The following PRR5L variants were observed in gnomAD, a reference collection of about 807,000 sequenced individuals.
PRR5L encodes the protein proline rich 5 like, also known as proline-rich protein 5-like.
PRR5L carries 21 observed loss-of-function variants against 36.4 expected under a neutral mutation model. That is an observed-to-expected ratio of 0.58 (90% CI 0.41 to 0.83). The LOEUF (loss-of-function observed/expected upper bound fraction) is 0.83, where lower values mean the gene tolerates loss of function less well. PRR5L is among the 40% of genes least tolerant of loss of function. The pLI is 0.00. For missense variants in PRR5L, 381 were observed against 473.3 expected (o/e 0.80, Z 1.81); for synonymous variants, 188 against 197.0 (o/e 0.95, Z 0.38).
intron 1 of PRR5L, among the ~76,000 whole-genome samples, chr11:36,390,295 A>G (rs1726078818): frequency 6.6e-6 from 1 of 152,188 alleles, no homozygotes. Flanking sequence ...GCCACAGCAC[A>G]TGGAAGGGTC....
At chr11:36,381,618 C>T (rs1039872095) in intron 1 of PRR5L, 20 of 152,216 alleles carry the variant, frequency 1.3e-4, no homozygotes, top group African/African-American at 3.9e-4. Flanking sequence ...TTCTCTGGAA[C>T]TGGCTCAATA....
In PRR5L at chr11:36,344,573, A is replaced by G. The variant is rs1384282157; in HGVS notation, c.-126+48135A>G. The stretch of plus-strand genomic sequence containing the variant: ...CCATCTCTGAAGGTGATTTTTGTTT[A>G]TATTTCTTAGTATTTTATCAGGGCA... On this transcript the variant is annotated intron_variant, in intron 1 of 8. Coordinates refer to ENST00000530639, the MANE Select transcript of PRR5L (RefSeq NM_001160167.2). This position sits in a 1 kb window ranked among gnomAD's most constrained non-coding sequence, Gnocchi z 4.1. Among the ~76,000 whole-genome samples, 2 of 152,138 alleles carry G rather than the reference A, an allele frequency of 1.3e-5. No individual in the cohort carries two copies. Among genetic ancestry groups the G allele is most frequent in the East Asian group, 3.8e-4 (2 of 5,198 alleles).
At position 36,343,533 on chromosome 11, in the gene PRR5L, A is replaced by C. The variant is rs1405781380; in HGVS notation, c.-126+47095A>C. On this transcript the variant is annotated intron_variant, in intron 1 of 8. Transcript: ENST00000530639. Reference sequence around the variant, plus strand: ...TAAAAAGACAGTGAACAAAGACTTCACTGAGCACGCAGTAAAGGCTGTAGG... The same window carrying C: ...TAAAAAGACAGTGAACAAAGACTTCCCTGAGCACGCAGTAAAGGCTGTAGG... Among the ~76,000 whole-genome samples, 9 of 152,178 alleles carry C rather than the reference A, an allele frequency of 5.9e-5. 1 individual carries two copies. The highest frequency in any genetic ancestry group is 1.3e-4 in the Non-Finnish European group (9 of 68,048).
chr11:36,375,608 A>G (rs949817221), intron 1 of PRR5L, among the ~76,000 whole-genome samples: 7 of 152,214 alleles, frequency 4.6e-5, no homozygotes, highest in Admixed American at 1.3e-4. Flanking sequence ...TTCCTGCTCA[A>G]CCATAGGGTG....
rs768223419 is a variant in PRR5L at position 36,377,048 on chromosome 11, G to C, written c.-125-23949G>C. On this transcript the variant is annotated intron_variant, in intron 1 of 8. Transcript: ENST00000530639. This position sits in a 1 kb window ranked among gnomAD's most constrained non-coding sequence, Gnocchi z 5.1. ...GTGATCATGGGACCTAGGCTGAGCC[G>C]GGAGGTCGAAAAAGAAAGTCGGCTT... Among the ~76,000 whole-genome samples, 1 of 152,156 alleles carries C rather than the reference G, an allele frequency of 6.6e-6. No individual in the cohort carries two copies. The highest frequency in any genetic ancestry group is 1.5e-5 in the Non-Finnish European group (1 of 68,024).
chr11:36,318,693 G>A (rs1288520616), intron 1 of PRR5L, among the ~76,000 whole-genome samples: 1 of 152,188 alleles, frequency 6.6e-6, no homozygotes, highest in Admixed American at 6.5e-5. Flanking sequence ...CAGGGGAAAG[G>A]TTAGGTAGTG....
At chr11:36,379,171 A>T (rs553831651) in intron 1 of PRR5L, among the ~76,000 whole-genome samples, 90 of 152,316 alleles carry the variant, frequency 5.9e-4, no homozygotes, top group African/African-American at 2.0e-3. Flanking sequence ...TCCTTGACTT[A>T]ATGTATCTTC....
chr11:36,388,698 CTTTTTTT>C (rs36056659), intron 1 of PRR5L, among the ~76,000 whole-genome samples: 2 of 109,144 alleles, frequency 1.8e-5, no homozygotes, highest in Admixed American at 2.0e-4. Context: ...CTCTTTCTTT[CTTTTTTT>C]TTTTTTTTTT....
At chr11:36,359,603 A>G (rs1857064076) in intron 1 of PRR5L, among the ~76,000 whole-genome samples, 1 of 152,242 alleles carries the variant, frequency 6.6e-6, no homozygotes, top group Non-Finnish European at 1.5e-5. Context: ...AACGTAGAAA[A>G]TAACAGATAA....
At chr11:36,385,957 G>A (rs72950084) in intron 1 of PRR5L, among the ~76,000 whole-genome samples, 1 of 152,184 alleles carries the variant, frequency 6.6e-6, no homozygotes, top group Non-Finnish European at 1.5e-5. Context: ...AAATGGGAAG[G>A]CTACTCTTCC....
intron 3 of PRR5L, among the ~76,000 whole-genome samples, chr11:36,403,738 T>G (rs974194039): frequency 1.4e-4 from 21 of 152,204 alleles, no homozygotes; most frequent in Non-Finnish European, 2.5e-4. Flanking sequence ...GCTTGAGGTT[T>G]TATTGTGTTC....
chr11:36,346,749 A>T (rs1856869996), intron 1 of PRR5L, among the ~76,000 whole-genome samples: 1 of 152,218 alleles, frequency 6.6e-6, no homozygotes, highest in East Asian at 1.9e-4. Context: ...CTCCGTAGGC[A>T]GTGACCTAAA....
chr11:36,343,451 A>G (rs1856835453), intron 1 of PRR5L, among the ~76,000 whole-genome samples: 1 of 152,196 alleles, frequency 6.6e-6, no homozygotes, highest in South Asian at 2.1e-4. Flanking sequence ...CCTCTGAAAT[A>G]TGGTTTCACT....
chr11:36,370,888 A>AAAAC lies in PRR5L; in HGVS notation c.-125-30101_-125-30098dup, dbSNP rs1554989203. ...AGTGGGAGACTCCATCTCAAAAAAA[A>AAAAC]AAACAAACAAAAGAAAGCAAACAAA... On this transcript the variant is annotated intron_variant, in intron 1 of 8. Coordinates refer to ENST00000530639, the MANE Select transcript of PRR5L (RefSeq NM_001160167.2). Among the ~76,000 whole-genome samples the AAAAC allele has an allele frequency of 6.5e-4, 99 of 151,674 alleles. 1 individual carries two copies. The highest frequency in any genetic ancestry group is 2.3e-3 in the African/African-American group (97 of 41,414).
At chr11:36,399,362 C>T (rs1245964006) in intron 1 of PRR5L, among the ~76,000 whole-genome samples, 1 of 152,178 alleles carries the variant, frequency 6.6e-6, no homozygotes, top group Admixed American at 6.5e-5. Flanking sequence ...ATTACAAGTT[C>T]CTTGTTGCTA....
At chr11:36,311,896 A>C (rs1856507616) in intron 1 of PRR5L, among the ~76,000 whole-genome samples, 2 of 152,358 alleles carry the variant, frequency 1.3e-5, no homozygotes, top group East Asian at 3.9e-4. Context: ...GAAAGATTAA[A>C]TATTAATACA....
rs563126414 is a variant in PRR5L at position 36,303,123 on chromosome 11, G to T, written c.-126+6685G>T. ...TGGAGAAGGAAGTGGAGGGAAGCAG[G>T]ACTCTTCCTCAAGACAGGAAGACAG... On this transcript the variant is annotated intron_variant, in intron 1 of 8. Coordinates refer to ENST00000530639, the MANE Select transcript of PRR5L (RefSeq NM_001160167.2). Among the ~76,000 whole-genome samples the T allele has an allele frequency of 9.2e-5, 14 of 152,244 alleles. No individual in the cohort carries two copies. The East Asian group carries it at 2.7e-3, about 29-fold the overall frequency.
intron 1 of PRR5L, among the ~76,000 whole-genome samples, chr11:36,378,772 T>C (rs930857274): frequency 1.3e-5 from 2 of 152,214 alleles, no homozygotes; most frequent in African/African-American, 4.8e-5. Flanking sequence ...TGAGAGACTT[T>C]GATAATATTA....
intron 1 of PRR5L, among the ~76,000 whole-genome samples, chr11:36,328,073 C>T (rs75881774): frequency 2.0e-5 from 3 of 152,080 alleles, no homozygotes; most frequent in African/African-American, 7.3e-5. Flanking sequence ...TTTCTGTCAA[C>T]ATGACAAAAG....
Sources: allele counts gnomAD v4.1 joint callset (sites outside exome capture counted in the v4.1 genomes callset), GRCh38; gene constraint gnomAD v4.1.1; non-coding constraint Gnocchi (gnomAD v3.1); transcripts MANE v1.5; gene names NCBI Gene and HGNC (gene_info 2026-07-23, HGNC 2026-07-21).